ADAMTS19: variants seen among roughly 807,000 people sequenced by gnomAD.
The protein encoded by ADAMTS19 is ADAM metallopeptidase with thrombospondin type 1 motif 19.
A neutral mutation model predicts 153.3 loss-of-function variants in ADAMTS19; 93 were observed. That is an observed-to-expected ratio of 0.61 (90% CI 0.51 to 0.72). The LOEUF is 0.72. ADAMTS19 is among the 30% of genes least tolerant of loss of function. ADAMTS19 has a pLI of 0.00. For synonymous variants in ADAMTS19, 600 were observed against 556.6 expected, an observed-to-expected ratio of 1.08 and a Z score of -1.10; for missense variants, 1,482 against 1,552.1, an observed-to-expected ratio of 0.95 and a Z score of 0.76.
intron 6 of ADAMTS19, among the ~76,000 whole-genome samples, chr5:129,551,343 T>C (rs1753086044): frequency 6.6e-6 from 1 of 151,676 alleles, no homozygotes; most frequent in Admixed American, 6.6e-5. Flanking sequence ...ATATTATACA[T>C]AGATCCCATT....
intron 7 of ADAMTS19, among the ~76,000 whole-genome samples, chr5:129,584,646 G>C (rs953377274): frequency 3.3e-5 from 5 of 152,184 alleles, no homozygotes; most frequent in Non-Finnish European, 4.4e-5. Context: ...TTGCAGAGCT[G>C]AGATGTGGGC....
chr5:129,541,948 A>G (rs1176436387), intron 6 of ADAMTS19, among the ~76,000 whole-genome samples: 2 of 152,126 alleles, frequency 1.3e-5, no homozygotes. Flanking sequence ...TCATTTATTT[A>G]TAATAATAAT....
intron 6 of ADAMTS19, among the ~76,000 whole-genome samples, chr5:129,537,366 T>G (rs188043844): frequency 3.2e-4 from 48 of 152,220 alleles, no homozygotes; most frequent in South Asian, 2.3e-3. Flanking sequence ...AAGTCGGTGT[T>G]GCGATTCCTC....
At chr5:129,498,212 T>G (rs1750987371) in intron 2 of ADAMTS19, among the ~76,000 whole-genome samples, 1 of 152,082 alleles carries the variant, frequency 6.6e-6, no homozygotes, top group Non-Finnish European at 1.5e-5. Context: ...ATTACTGTAG[T>G]AGCCTCCCAA....
At chr5:129,662,888 ATTTTTTTTTTTT>A (rs3049499) in intron 15 of ADAMTS19, among the ~76,000 whole-genome samples, 1 of 92,888 alleles carries the variant, frequency 1.1e-5, no homozygotes, top group African/African-American at 4.7e-5. Flanking sequence ...ATTCTTCTTC[ATTTTTTTTTTTT>A]TTTTTTTTTT....
At chr5:129,627,402 C>T (rs1275707723) in intron 10 of ADAMTS19, among the ~76,000 whole-genome samples, 2 of 151,908 alleles carry the variant, frequency 1.3e-5, no homozygotes, top group East Asian at 3.9e-4. Context: ...ACTGTAAAAA[C>T]CCTGGAAAAC....
At chr5:129,615,176 G>A (rs953580326) in intron 8 of ADAMTS19, among the ~76,000 whole-genome samples, 11 of 151,874 alleles carry the variant, frequency 7.2e-5, no homozygotes, top group Non-Finnish European at 4.4e-5. Context: ...CACAGAATTG[G>A]AAAAAACTAC....
At chr5:129,570,880 T>TA (rs1184926039) in intron 7 of ADAMTS19, among the ~76,000 whole-genome samples, 1 of 151,840 alleles carries the variant, frequency 6.6e-6, no homozygotes, top group Non-Finnish European at 1.5e-5. Flanking sequence ...ATTCATGGTT[T>TA]AAAAAACTCT....
rs1012254641 is a variant in ADAMTS19, at chr5:129,572,673, G to T, written c.1372+20766G>T. Reference sequence around the variant, plus strand: ...TGAGGGAAAGAAGATAGTCTCAAAGGTTACTTACTGTACAATTATATTTAT... The same window carrying T: ...TGAGGGAAAGAAGATAGTCTCAAAGTTTACTTACTGTACAATTATATTTAT... On this transcript the variant is annotated intron_variant, in intron 7 of 22. Transcript: ENST00000274487. Among the ~76,000 whole-genome samples the T allele has an allele frequency of 2.0e-5, 3 of 151,872 alleles. No homozygotes were observed. The East Asian group carries it at 5.8e-4, about 29-fold the overall frequency.
intron 6 of ADAMTS19, among the ~76,000 whole-genome samples, 163 bp from the exon 7 acceptor site, chr5:129,551,701 C>A (rs546619764): frequency 6.6e-6 from 1 of 151,786 alleles, no homozygotes; most frequent in South Asian, 2.1e-4. Context: ...ATTAATCTTC[C>A]ATATCTTAGA....
intron 6 of ADAMTS19, among the ~76,000 whole-genome samples, chr5:129,547,513 A>G (rs886708502): frequency 2.0e-5 from 3 of 150,704 alleles, no homozygotes; most frequent in Admixed American, 6.6e-5. Flanking sequence ...CCACAATTTA[A>G]TGTTACTTTC....
intron 10 of ADAMTS19, 120 bp downstream of exon 10, chr5:129,622,468 G>T (rs1751823973): frequency 6.3e-6 from 7 of 1,113,600 alleles, no homozygotes; most frequent in Non-Finnish European, 8.6e-6. Context: ...ATAAAAGAAG[G>T]ATTTTCTAAG....
rs1288816611 is a variant in ADAMTS19 at position 129,679,950 on chromosome 5, A to T, written c.2664+29A>T. On this transcript the variant is annotated intron_variant, in intron 17 of 22. Coordinates refer to ENST00000274487, the MANE Select transcript of ADAMTS19 (RefSeq NM_133638.6). ...TGAGGGAATGAATTGATAACATGGC[A>T]TAATCAACTTCTCATGGCAAGGAAT... 3 of 1,592,654 alleles carry T rather than the reference A, an allele frequency of 1.9e-6. No individual in the cohort carries two copies. The South Asian group carries it at 3.4e-5, about 18-fold the overall frequency.
chr5:129,672,327 A>T (rs922988331), intron 16 of ADAMTS19, among the ~76,000 whole-genome samples: 1 of 152,150 alleles, frequency 6.6e-6, no homozygotes, highest in Admixed American at 6.6e-5. Context: ...GAGGGCACCA[A>T]TGTTTAATCC....
chr5:129,519,317 C>T (rs2126744737), intron 3 of ADAMTS19, among the ~76,000 whole-genome samples: 1 of 152,206 alleles, frequency 6.6e-6, no homozygotes, highest in Non-Finnish European at 1.5e-5. Context: ...AACTGGCACC[C>T]TATCCTGTGT....
chr5:129,605,774 A>G (rs976875262), intron 8 of ADAMTS19, among the ~76,000 whole-genome samples: 1 of 152,164 alleles, frequency 6.6e-6, no homozygotes, highest in African/African-American at 2.4e-5. Flanking sequence ...CATTTGTACA[A>G]GTTGAAAGAG....
At chr5:129,605,877 TTA>T (rs1364711263) in intron 8 of ADAMTS19, among the ~76,000 whole-genome samples, 3 of 152,296 alleles carry the variant, frequency 2.0e-5, no homozygotes, top group South Asian at 2.1e-4. Context: ...TTGGGTAAAA[TTA>T]TATGAGTTAG....
intron 19 of ADAMTS19, among the ~76,000 whole-genome samples, chr5:129,697,865 C>CA (rs1482300036): frequency 3.5e-4 from 53 of 152,196 alleles, no homozygotes; most frequent in African/African-American, 1.3e-3. Flanking sequence ...CTTCAAAACA[C>CA]AATTTGTTTT....
intron 8 of ADAMTS19, among the ~76,000 whole-genome samples, chr5:129,601,229 G>A (rs1443436236): frequency 6.6e-6 from 1 of 152,140 alleles, no homozygotes; most frequent in East Asian, 1.9e-4. Context: ...TTTACTGGTA[G>A]TGCTGAATTA....
Sources: allele counts gnomAD v4.1 joint callset (sites outside exome capture counted in the v4.1 genomes callset), GRCh38; gene constraint gnomAD v4.1.1; transcripts MANE v1.5; gene names NCBI Gene and HGNC (gene_info 2026-07-23, HGNC 2026-07-21).